MMAA: variants seen among roughly 807,000 people sequenced by gnomAD.
The protein encoded by MMAA is metabolism of cobalamin associated A.
Under a neutral mutation model 45.0 loss-of-function variants are expected in MMAA, and 41 were observed. That is an observed-to-expected ratio of 0.91 (90% CI 0.71 to 1.18). The LOEUF is 1.18. Ranked by LOEUF, MMAA falls within the 50% of genes most tolerant of loss-of-function variation. The pLI, the probability that MMAA is intolerant of heterozygous loss-of-function variation, is 0.00. For missense variants in MMAA, 460 were observed against 495.7 expected (o/e 0.93, Z 0.68); for synonymous variants, 154 against 178.2 (o/e 0.86, Z 1.08).
chr4:145,633,939 C>T (rs1727532700), intron 1 of MMAA, among the ~76,000 whole-genome samples: 1 of 152,174 alleles, frequency 6.6e-6, no homozygotes, highest in Non-Finnish European at 1.5e-5. Context: ...TGTTTTGAGC[C>T]ACCTGGAGCT....
intron 1 of MMAA, among the ~76,000 whole-genome samples, chr4:145,632,817 G>A (rs1727492117): frequency 6.6e-6 from 1 of 151,366 alleles, no homozygotes; most frequent in Admixed American, 6.6e-5. Context: ...GAGTGTAGTG[G>A]TGTGATCAGG....
In MMAA at chr4:145,651,407, G is replaced by A. The variant is rs192411473; in HGVS notation, c.819+260G>A. ...GTAACATGACTGAAATACATGGATCGCTCCAGCCAGTAGAGACCATTGTTG... is the reference window on the plus strand; with the variant it reads ...GTAACATGACTGAAATACATGGATCACTCCAGCCAGTAGAGACCATTGTTG... On this transcript the variant is annotated intron_variant, in intron 5 of 6. Transcript: ENST00000649156. Among the ~76,000 whole-genome samples the A allele has an allele frequency of 3.2e-3, 493 of 152,210 alleles. 1 individual carries two copies. The highest frequency in any genetic ancestry group is 4.4e-3 in the Non-Finnish European group (299 of 68,012).
At position 145,646,000 on chromosome 4, in the gene MMAA, G is replaced by A. The variant is rs1200747906; in HGVS notation, c.577G>A (p.Asp193Asn). The A allele has an allele frequency of 1.2e-6, 2 of 1,613,834 alleles. No individual in the cohort carries two copies. Among genetic ancestry groups the A allele is most frequent in the Non-Finnish European group, 1.7e-6 (2 of 1,179,930 alleles). Reference sequence around the variant, plus strand: ...GTATGTTTTAGGATCACTCTTAGGTGATAAAACCCGAATGACTGAGTTATC... The same window carrying A: ...GTATGTTTTAGGATCACTCTTAGGTAATAAAACCCGAATGACTGAGTTATC... ...SCTSGGSLLG[D>N]KTRMTELSRD... The change falls in exon 4 of 7, where the codon GAT (aspartate) becomes AAT (asparagine). Residue 193 changes from aspartate to asparagine, a missense_variant. Asp to Asn is a conservative substitution (Grantham distance 23, BLOSUM62 1). Coordinates refer to ENST00000649156, the MANE Select transcript of MMAA (RefSeq NM_172250.3).
intron 1 of MMAA, chr4:145,625,106 A>G: frequency 9.6e-7 from 1 of 1,045,788 alleles, no homozygotes; most frequent in Non-Finnish European, 1.5e-6. Context: ...GAGAGTCACT[A>G]GCCAATCTGA....
At chr4:145,621,747 T>A (rs1244990167) in intron 1 of MMAA, among the ~76,000 whole-genome samples, 6 of 152,198 alleles carry the variant, frequency 3.9e-5, no homozygotes, top group Non-Finnish European at 8.8e-5. Flanking sequence ...CTGTATTGAT[T>A]TAGGAAATTC....
intron 2 of MMAA, among the ~76,000 whole-genome samples, chr4:145,641,139 G>A (rs550717512): frequency 6.6e-6 from 1 of 152,238 alleles, no homozygotes; most frequent in East Asian, 1.9e-4. Flanking sequence ...CATTTTGAGA[G>A]TACTACCTTG....
In MMAA at chr4:145,645,915, C is replaced by G. The variant is rs77697341; in HGVS notation, c.563-71C>G. ...AGGGAGAAATGGCATAAAGCACTTC[C>G]CTCTAGGAACTGGCTGATAATTGAC... is the stretch of plus-strand genomic sequence containing the variant. On this transcript the variant is annotated intron_variant, in intron 3 of 6. Transcript: ENST00000649156. 4,589 of 1,480,202 alleles carry G rather than the reference C, an allele frequency of 3.1e-3. 127 individuals carry two copies. The African/African-American group carries it at 0.056, about 18-fold the overall frequency. The allele number at this position is 1,480,202 out of a possible 1,614,324, so 91.7% of individuals were successfully genotyped here. A position where few individuals can be genotyped will look rare whatever the true frequency, so the allele number is the denominator to read the frequency against.
chr4:145,625,732 G>A, intron 1 of MMAA: 1 of 1,455,904 alleles, frequency 6.9e-7, no homozygotes, highest in East Asian at 2.3e-5. Flanking sequence ...TGATGAATAA[G>A]ACAATTGAAC....
intron 1 of MMAA, chr4:145,624,582 A>G: frequency 1.6e-6 from 2 of 1,246,438 alleles, no homozygotes; most frequent in African/African-American, 1.5e-5. Context: ...CAGCAATTCT[A>G]GAAGGAACCA....
At chr4:145,636,435 C>T (rs1727610477) in intron 1 of MMAA, among the ~76,000 whole-genome samples, 1 of 152,158 alleles carries the variant, frequency 6.6e-6, no homozygotes, top group South Asian at 2.1e-4. Context: ...TATGTCACCT[C>T]CAAAAAGGTC....
intron 1 of MMAA, among the ~76,000 whole-genome samples, chr4:145,638,003 G>A (rs1274521563): frequency 3.9e-5 from 6 of 152,310 alleles, no homozygotes; most frequent in African/African-American, 1.4e-4. Context: ...GCACTGCCCT[G>A]ACTCGGCATA....
chr4:145,625,117 TAG>T, intron 1 of MMAA: 2 of 1,098,078 alleles, frequency 1.8e-6, no homozygotes, highest in Non-Finnish European at 2.8e-6. Context: ...GCCAATCTGA[TAG>T]GTTCATCTCA....
At chr4:145,621,908 G>C (rs1487931140) in intron 1 of MMAA, among the ~76,000 whole-genome samples, 1 of 152,124 alleles carries the variant, frequency 6.6e-6, no homozygotes, top group African/African-American at 2.4e-5. Context: ...TAAAAAGAAA[G>C]TCCTTAAAAT....
At chr4:145,636,920 C>T (rs1004947522) in intron 1 of MMAA, among the ~76,000 whole-genome samples, 2 of 152,190 alleles carry the variant, frequency 1.3e-5, no homozygotes, top group African/African-American at 4.8e-5. Flanking sequence ...ACATCCTAAT[C>T]CCTGGAACCT....
At chr4:145,623,918 A>G (rs1223587845) in intron 1 of MMAA, among the ~76,000 whole-genome samples, 2 of 152,200 alleles carry the variant, frequency 1.3e-5, no homozygotes, top group Non-Finnish European at 1.5e-5. Context: ...TGTGGGGGTG[A>G]ATTAACACTT....
At chr4:145,621,172 G>A (rs991956827) in intron 1 of MMAA, among the ~76,000 whole-genome samples, 1 of 152,192 alleles carries the variant, frequency 6.6e-6, no homozygotes, top group African/African-American at 2.4e-5. Flanking sequence ...ATCCTGATAC[G>A]TAGATCTTAA....
At chr4:145,645,745 T>G (rs553711935) in intron 3 of MMAA, among the ~76,000 whole-genome samples, 5 of 152,198 alleles carry the variant, frequency 3.3e-5, no homozygotes, top group Non-Finnish European at 7.3e-5. Flanking sequence ...AAGGTGCGGC[T>G]GAAGAATCTA....
chr4:145,624,830 TG>T, intron 1 of MMAA: 2 of 1,609,072 alleles, frequency 1.2e-6, no homozygotes, highest in Non-Finnish European at 1.7e-6. Context: ...CTACCTTACA[TG>T]GGTCCTGATG....
Position 145,655,453 on chromosome 4 carries a change from A to G in MMAA, c.*19A>G. On this transcript the variant is annotated 3_prime_UTR_variant, in exon 7 of 7. Transcript: ENST00000649156. ...AGACTAATAAAATTCATCCTGTATAATAATTTTACATATCATTTCATAAAG... is the reference window on the plus strand; with the variant it reads ...AGACTAATAAAATTCATCCTGTATAGTAATTTTACATATCATTTCATAAAG... 6.4e-7 allele frequency: 1 copy of G among 1,571,598 alleles called. No homozygotes were observed. The highest frequency in any genetic ancestry group is 2.2e-5 in the East Asian group (1 of 44,598).
Sources: allele counts gnomAD v4.1 joint callset (sites outside exome capture counted in the v4.1 genomes callset), GRCh38; gene constraint gnomAD v4.1.1; transcripts MANE v1.5; gene names NCBI Gene and HGNC (gene_info 2026-07-23, HGNC 2026-07-21).